The following SMU1 variants were observed in gnomAD, a reference collection of about 807,000 sequenced individuals.
SMU1 encodes the protein WD40 repeat-containing protein SMU1.
Under a neutral mutation model 62.0 loss-of-function variants are expected in SMU1, and 2 were observed. The observed-to-expected ratio is 0.03, with a 90% CI of 0.01 to 0.10. The LOEUF is 0.10. Ranked by LOEUF, SMU1 falls within the 10% of genes least tolerant of loss-of-function variation. The probability of loss-of-function intolerance (pLI) is 1.00; values close to 1 mark genes in which losing one functional copy is unlikely to be tolerated. For synonymous variants in SMU1, 188 were observed against 212.4 expected, an observed-to-expected ratio of 0.89 and a Z score of 1.00; for missense variants, 227 against 622.1, an observed-to-expected ratio of 0.36 and a Z score of 6.76.
At chr9:33,074,856 C>T (rs1469305042) in intron 1 of SMU1, among the ~76,000 whole-genome samples, 1 of 151,644 alleles carries the variant, frequency 6.6e-6, no homozygotes, top group Admixed American at 6.6e-5. Flanking sequence ...TGACTGCAGC[C>T]TGGGCCTCCT....
At position 33,060,617 on chromosome 9, in the gene SMU1, T is replaced by A. The variant is rs1486049618; in HGVS notation, c.631-33A>T. On this transcript the variant is annotated intron_variant, in intron 5 of 11. Coordinates refer to ENST00000397149, the MANE Select transcript of SMU1 (RefSeq NM_018225.3). ...AAATGAAACAATGAAACAGATGCAT[T>A]TTTATCTAGTGGACTTAAAACAATT... The A allele has an allele frequency of 1.9e-6, 3 of 1,604,740 alleles. No individual in the cohort carries two copies. In the African/African-American group the frequency reaches 4.0e-5, roughly 22 times the overall value.
chr9:33,072,760 T>C (rs1383142323), intron 2 of SMU1, among the ~76,000 whole-genome samples: 1 of 143,638 alleles, frequency 7.0e-6, no homozygotes, highest in Non-Finnish European at 1.5e-5. Flanking sequence ...ACCCCGGAGA[T>C]GGAGGTTGCA....
At chr9:33,067,101 GT>G (rs1839429384) in intron 4 of SMU1, among the ~76,000 whole-genome samples, 1 of 152,010 alleles carries the variant, frequency 6.6e-6, no homozygotes, top group African/African-American at 2.4e-5. Flanking sequence ...AAAAATTTAT[GT>G]AAGAAATTAC....
chr9:33,072,667 C>T (rs997210439), intron 2 of SMU1, among the ~76,000 whole-genome samples: 1 of 151,138 alleles, frequency 6.6e-6, no homozygotes, highest in Non-Finnish European at 1.5e-5. Flanking sequence ...CCCGTCTCTA[C>T]TAAACACAAA....
chr9:33,058,382 T>C (rs945001612), intron 6 of SMU1, among the ~76,000 whole-genome samples: 1 of 152,188 alleles, frequency 6.6e-6, no homozygotes, highest in African/African-American at 2.4e-5. Context: ...AGTGATGCAA[T>C]CTCAGCTCAC....
chr9:33,057,194 A>G (rs537856886), intron 7 of SMU1, among the ~76,000 whole-genome samples: 8 of 152,334 alleles, frequency 5.3e-5, no homozygotes, highest in Non-Finnish European at 1.2e-4. Context: ...ATAGACTCTA[A>G]GTTCACTTAG....
chr9:33,053,163 T>C lies in SMU1; in HGVS notation c.1250A>G (p.Asn417Ser), dbSNP rs769203919. 6.2e-7 allele frequency: 1 copy of C among 1,612,266 alleles called. No individual in the cohort carries two copies. The highest frequency in any genetic ancestry group is 8.5e-7 in the Non-Finnish European group (1 of 1,180,028). Residue 417 changes from asparagine (N) to serine (S), a missense_variant, in exon 10 of 12, where the codon AAC (asparagine) becomes AGC (serine). Around this residue, in one of 5 missense-constraint regions of SMU1, gnomAD observed 98 missense variants for 195.9 expected, o/e 0.50. Transcript: ENST00000397149. ...CATGATGACCACCGTGTTTGATCTG[T>C]TGCACACCACAAAGTGCTCAGGGTT... ...PKNPEHFVVC[N>S]RSNTVVIMNM...
intron 2 of SMU1, 82 bp downstream of exon 2, chr9:33,073,514 G>T: frequency 1.1e-6 from 1 of 930,484 alleles, no homozygotes. Flanking sequence ...GTGCTTGAAG[G>T]AATGCTCACT....
chr9:33,053,441 C>A, intron 9 of SMU1, 151 bp from the exon 10 acceptor site: 5 of 712,054 alleles, frequency 7.0e-6, no homozygotes, highest in Non-Finnish European at 1.1e-5. Context: ...AATCAAATAC[C>A]CAGCACTGCC....
At chr9:33,049,024 T>C (rs1486012495) in intron 10 of SMU1, among the ~76,000 whole-genome samples, 2 of 152,242 alleles carry the variant, frequency 1.3e-5, no homozygotes, top group African/African-American at 4.8e-5. Context: ...AGACTCAATA[T>C]GGTAAAGATG....
chr9:33,067,186 A>G (rs753899157), intron 4 of SMU1, among the ~76,000 whole-genome samples: 7 of 152,030 alleles, frequency 4.6e-5, no homozygotes, highest in Non-Finnish European at 1.0e-4. Context: ...AGATTGAACC[A>G]AAAGTTGTGA....
In SMU1 at chr9:33,073,756, G is replaced by A. The variant is rs1564025861; in HGVS notation, c.77C>T (p.Ala26Val). The A allele has an allele frequency of 7.4e-6, 12 of 1,614,132 alleles. No homozygotes were observed. The highest frequency in any genetic ancestry group is 1.0e-5 in the Non-Finnish European group (12 of 1,180,000). Residue 26 changes from alanine (A) to valine (V), a missense_variant, in exon 2 of 12, where the codon GCG becomes GTG. Physicochemically the swap from Ala to Val is moderately conservative, Grantham distance 64. Transcript: ENST00000397149. Reference sequence around the variant, plus strand: ...AGTCTCCTCCTGCAAGGTGGCTAACGCCCGATGTAAACTGTTCTCCTTCAA... The same window carrying A: ...AGTCTCCTCCTGCAAGGTGGCTAACACCCGATGTAAACTGTTCTCCTTCAA... ...QYLKENSLHR[A>V]LATLQEETTV...
intron 4 of SMU1, among the ~76,000 whole-genome samples, chr9:33,067,845 C>G (rs1294329514): frequency 6.6e-6 from 1 of 152,122 alleles, no homozygotes; most frequent in Non-Finnish European, 1.5e-5. Flanking sequence ...AGGCCTGCAA[C>G]AAATAGCTTT....
chr9:33,066,098 G>T (rs562021414), intron 4 of SMU1, among the ~76,000 whole-genome samples: 17 of 152,212 alleles, frequency 1.1e-4, no homozygotes, highest in Admixed American at 9.8e-4. Context: ...ATCATCCCAG[G>T]CTGAAGTCTA....
chr9:33,061,018 T>C (rs1260900719), intron 5 of SMU1, among the ~76,000 whole-genome samples: 4 of 152,234 alleles, frequency 2.6e-5, no homozygotes, highest in East Asian at 3.8e-4. Context: ...TGTTTCCCTA[T>C]ATTATTTTGT....
intron 1 of SMU1, among the ~76,000 whole-genome samples, chr9:33,076,137 T>A (rs899549066): frequency 2.0e-5 from 3 of 152,130 alleles, no homozygotes; most frequent in African/African-American, 7.2e-5. Context: ...GTGACAATAC[T>A]GAGTGATAAA....
rs112118097 is a variant in SMU1 at position 33,056,009 on chromosome 9, G to T, written c.1122+104C>A. 22 of 1,151,954 alleles carry T rather than the reference G, an allele frequency of 1.9e-5. 1 individual carries two copies. In the African/African-American group the frequency reaches 2.4e-4, roughly 12 times the overall value. The allele number at this position is 1,151,954 out of a possible 1,614,324, so 71.4% of individuals were successfully genotyped here. A position where few individuals can be genotyped will look rare whatever the true frequency, so the allele number is the denominator to read the frequency against. The stretch of plus-strand genomic sequence containing the variant: ...AATTACAGCTAAAATAGCCAGGAAA[G>T]AGGTTTACTACAGCACAATCATTCC... On this transcript the variant is annotated intron_variant, in intron 9 of 11. Coordinates refer to ENST00000397149, the MANE Select transcript of SMU1 (RefSeq NM_018225.3).
chr9:33,048,586 T>C (rs72720973), intron 10 of SMU1, among the ~76,000 whole-genome samples: 14,050 of 152,270 alleles, frequency 0.092, 827 homozygotes, highest in Middle Eastern at 0.17. Flanking sequence ...CCAGTATTTC[T>C]CAAAGCTTTC....
intron 11 of SMU1, 72 bp downstream of exon 11, chr9:33,048,034 A>C: frequency 1.4e-6 from 2 of 1,436,476 alleles, no homozygotes; most frequent in Non-Finnish European, 1.9e-6. Context: ...TGGAAAAGGC[A>C]CATACTTCAG....
Sources: gnomAD v4.1 joint callset for allele counts (sites outside exome capture counted in the v4.1 genomes callset) on GRCh38, gnomAD v4.1.1 for gene constraint, gnomAD v4.1.1 regional missense constraint, MANE v1.5 for transcripts, NCBI Gene and HGNC (gene_info 2026-07-23, HGNC 2026-07-21) for gene names.